The following NUP210L variants were observed in gnomAD, a reference collection of about 807,000 sequenced individuals.
NUP210L encodes the protein nuclear pore membrane glycoprotein 210-like.
A neutral mutation model predicts 208.5 loss-of-function variants in NUP210L; 74 were observed. The observed-to-expected ratio is 0.35, with a 90% CI of 0.29 to 0.43. NUP210L has a LOEUF of 0.43. NUP210L is among the 20% of genes least tolerant of loss of function. NUP210L has a pLI of 1.00. For synonymous variants in NUP210L, 780 were observed against 816.9 expected, an observed-to-expected ratio of 0.95 and a Z score of 0.77; for missense variants, 1,843 against 2,289.4, an observed-to-expected ratio of 0.81 and a Z score of 3.98.
At chr1:154,139,115 A>G (rs1658699737) in intron 5 of NUP210L, among the ~76,000 whole-genome samples, 1 of 152,138 alleles carries the variant, frequency 6.6e-6, no homozygotes, top group African/African-American at 2.4e-5. Flanking sequence ...TAAAAATACA[A>G]AAATTAGTTG....
Position 154,113,166 on chromosome 1 carries a change from A to AT in NUP210L, c.1620+4558_1620+4559insA, listed in dbSNP as rs34061403. Reference sequence around the variant, plus strand: ...GAGAGAAACCCTCTCTTAAAAAAAAAAATATATATATATATATAAAATTTA... The same window carrying AT: ...GAGAGAAACCCTCTCTTAAAAAAAAATAATATATATATATATATAAAATTTA... On this transcript the variant is annotated intron_variant, in intron 12 of 39. Transcript: ENST00000368559. Among the ~76,000 whole-genome samples, 77 of 83,326 alleles carry AT rather than the reference A, an allele frequency of 9.2e-4. No homozygotes were observed. In the East Asian group the frequency reaches 0.011, roughly 12 times the overall value. The allele number at this position is 83,326 out of a possible 152,430, so 54.7% of individuals were successfully genotyped here.
At chr1:154,139,655 C>T (rs543669460) in intron 5 of NUP210L, 147 bp downstream of exon 5, 3 of 639,334 alleles carry the variant, frequency 4.7e-6, no homozygotes, top group East Asian at 5.8e-5. Flanking sequence ...CTGGTGAAAC[C>T]CTGTCTGTCT....
intron 10 of NUP210L, among the ~76,000 whole-genome samples, chr1:154,119,320 G>C (rs1352787281): frequency 2.6e-5 from 4 of 152,122 alleles, no homozygotes; most frequent in East Asian, 1.9e-4. Flanking sequence ...GGGAGAGGTG[G>C]CTCATGTCTA....
At chr1:154,084,839 T>C (rs1655540495) in intron 16 of NUP210L, among the ~76,000 whole-genome samples, 1 of 149,290 alleles carries the variant, frequency 6.7e-6, no homozygotes, top group Middle Eastern at 3.6e-3. Flanking sequence ...TTTAAAAATA[T>C]GTTCTCTAAT....
chr1:154,120,828 G>A (rs564753005), intron 10 of NUP210L, among the ~76,000 whole-genome samples: 2 of 148,832 alleles, frequency 1.3e-5, no homozygotes, highest in South Asian at 2.1e-4. Context: ...CCCATGAGGC[G>A]GAGGTTGCAG....
At chr1:154,082,701 G>T (rs142370104) in intron 16 of NUP210L, among the ~76,000 whole-genome samples, 1 of 152,174 alleles carries the variant, frequency 6.6e-6, no homozygotes, top group Non-Finnish European at 1.5e-5. Flanking sequence ...GACCAATTAC[G>T]GAACTGGTCA....
At chr1:154,022,071 T>C in intron 32 of NUP210L, 55 bp downstream of exon 32, 2 of 1,424,790 alleles carry the variant, frequency 1.4e-6, no homozygotes, top group Non-Finnish European at 2.0e-6. Context: ...TAATAACTGC[T>C]TTTTAATCCC....
intron 30 of NUP210L, among the ~76,000 whole-genome samples, chr1:154,024,818 C>T (rs1651763647): frequency 6.6e-6 from 1 of 151,280 alleles, no homozygotes; most frequent in Non-Finnish European, 1.5e-5. Flanking sequence ...AGGCGTGAGT[C>T]ACCCAGCCCA....
intron 2 of NUP210L, among the ~76,000 whole-genome samples, chr1:154,148,296 A>G (rs1261087361): frequency 6.7e-6 from 1 of 150,248 alleles, no homozygotes; most frequent in Non-Finnish European, 1.5e-5. Context: ...AAAAGTGACT[A>G]AAAGGCTGAA....
Position 154,091,781 on chromosome 1 carries a change from G to A in NUP210L, c.2188-2187C>T, listed in dbSNP as rs139318959. Among the ~76,000 whole-genome samples the A allele has an allele frequency of 7.3e-5, 11 of 151,496 alleles. No homozygotes were observed. In the East Asian group the frequency reaches 1.2e-3, roughly 16 times the overall value. ...CTCCCAAAGTGCTGGAATTATAGGC[G>A]TGAGCCACTGCGCCCGGCCACAAAA... On this transcript the variant is annotated intron_variant, in intron 15 of 39. Coordinates refer to ENST00000368559, the Ensembl canonical transcript of NUP210L.
At chr1:154,078,586 A>C (rs1006670498) in intron 16 of NUP210L, among the ~76,000 whole-genome samples, 2 of 150,584 alleles carry the variant, frequency 1.3e-5, no homozygotes, top group Non-Finnish European at 3.0e-5. Context: ...CGAAGTGAGA[A>C]TCTGTCTCAA....
chr1:154,058,422 T>C (rs770812792), intron 21 of NUP210L, 143 bp downstream of exon 21: 1 of 1,100,310 alleles, frequency 9.1e-7, no homozygotes, highest in Non-Finnish European at 1.3e-6. Context: ...TGAAATGTTG[T>C]TCTTTAAGGG....
chr1:154,019,016 C>T (rs1485629020), exon 33 of NUP210L: 1 of 1,614,132 alleles, frequency 6.2e-7, no homozygotes, highest in South Asian at 1.1e-5. Flanking sequence ...ACTCCAGTGA[C>T]AATGTCTGTC....
chr1:153,992,770 G>T, exon 40 of NUP210L: 1 of 1,047,690 alleles, frequency 9.5e-7, no homozygotes, highest in South Asian at 1.5e-5. Flanking sequence ...TTGCTGTTAG[G>T]CTTCTTGTCG....
At chr1:154,063,738 T>C (rs769723372) in intron 17 of NUP210L, among the ~76,000 whole-genome samples, 11 of 152,034 alleles carry the variant, frequency 7.2e-5, no homozygotes, top group Admixed American at 2.6e-4. Flanking sequence ...AAAAAGTGTA[T>C]AAAGTAGTTA....
At chr1:154,075,544 T>G (rs1654989873) in intron 16 of NUP210L, among the ~76,000 whole-genome samples, 1 of 151,902 alleles carries the variant, frequency 6.6e-6, no homozygotes, top group African/African-American at 2.4e-5. Flanking sequence ...CAGAACTAGT[T>G]CAGAAAAGAC....
intron 7 of NUP210L, among the ~76,000 whole-genome samples, chr1:154,135,475 G>A: frequency 6.6e-6 from 1 of 150,988 alleles, no homozygotes; most frequent in African/African-American, 2.4e-5. Flanking sequence ...AGGTTGGAGT[G>A]CAGTGGCACG....
At chr1:154,143,745 T>G (rs1658974809) in intron 2 of NUP210L, among the ~76,000 whole-genome samples, 168 bp from the exon 3 acceptor site, 1 of 152,198 alleles carries the variant, frequency 6.6e-6, no homozygotes, top group Admixed American at 6.5e-5. Context: ...AGCCTTTCTT[T>G]ATAACAAGAG....
At chr1:154,115,040 C>A (rs1437286158) in intron 12 of NUP210L, among the ~76,000 whole-genome samples, 1 of 152,170 alleles carries the variant, frequency 6.6e-6, no homozygotes, top group East Asian at 1.9e-4. Context: ...CCATTTCCTG[C>A]TATTCTCAAT....
Sources: gnomAD v4.1 joint callset for allele counts (sites outside exome capture counted in the v4.1 genomes callset) on GRCh38, gnomAD v4.1.1 for gene constraint, MANE v1.5 for transcripts, NCBI Gene and HGNC (gene_info 2026-07-23, HGNC 2026-07-21) for gene names.